Variants in PDE4D observed in about 807,000 individuals in gnomAD.
PDE4D encodes the protein 3',5'-cyclic-AMP phosphodiesterase 4D.
PDE4D carries 24 observed loss-of-function variants against 87.4 expected under a neutral mutation model. The observed-to-expected ratio is 0.27, with a 90% confidence interval of 0.20 to 0.39. The LOEUF is 0.39. Ranked by LOEUF, PDE4D falls within the 10% of genes least tolerant of loss-of-function variation. The pLI is 1.00. For missense variants in PDE4D, 714 were observed against 1,041.0 expected (o/e 0.69, Z 4.32); for synonymous variants, 384 against 383.2 (o/e 1.00, Z -0.02).
intron 1 of PDE4D, among the ~76,000 whole-genome samples, chr5:59,420,191 T>C (rs902164824): frequency 2.6e-5 from 4 of 152,202 alleles, no homozygotes; most frequent in African/African-American, 9.6e-5. Context: ...GTGTAAAATT[T>C]CTCAATAGCT....
chr5:59,198,196 T>C (rs879779884), intron 2 of PDE4D, among the ~76,000 whole-genome samples: 1 of 152,120 alleles, frequency 6.6e-6, no homozygotes, highest in Non-Finnish European at 1.5e-5. Context: ...TGATCTGTTT[T>C]AAGGAAAATA....
intron 1 of PDE4D, among the ~76,000 whole-genome samples, chr5:60,462,568 C>T (rs971654260): frequency 3.9e-5 from 6 of 152,172 alleles, no homozygotes; most frequent in Admixed American, 2.6e-4. Context: ...CCTATCCTCA[C>T]GGTGACCACA....
chr5:59,000,290 C>G (rs1370141710), intron 6 of PDE4D, among the ~76,000 whole-genome samples: 1 of 152,152 alleles, frequency 6.6e-6, no homozygotes, highest in African/African-American at 2.4e-5. Context: ...GCTTCCCTTC[C>G]TTCCAAATAA....
At chr5:59,108,024 G>T (rs574131688) in intron 5 of PDE4D, among the ~76,000 whole-genome samples, 1 of 152,212 alleles carries the variant, frequency 6.6e-6, no homozygotes, top group African/African-American at 2.4e-5. Context: ...CCATATTGGG[G>T]ACCATGGGTA....
In PDE4D at chr5:58,975,672, G is replaced by A. The variant is rs376393351; in HGVS notation, c.1998C>T (p.Ser666=). The part of the protein sequence containing the change: ...ISPMCDKHNA[S]VEKSQVGFID... ...CATGCATTACCTGTGATTTTTCCACGGAAGCATTGTGCTTGTCACACATGG... is the reference window on the plus strand; with the variant it reads ...CATGCATTACCTGTGATTTTTCCACAGAAGCATTGTGCTTGTCACACATGG... Residue 666 remains serine, a synonymous_variant, in exon 14 of 15, where the codon TCC becomes TCT. Coordinates refer to ENST00000340635, the MANE Select transcript of PDE4D (RefSeq NM_001104631.2). The surrounding 1 kb of genome is among the most constrained non-coding windows in gnomAD (Gnocchi z 4.2). 36 of 1,602,106 alleles carry A rather than the reference G, an allele frequency of 2.2e-5. No homozygotes were observed. The highest frequency in any genetic ancestry group is 2.8e-5 in the Non-Finnish European group (33 of 1,174,294).
intron 1 of PDE4D, among the ~76,000 whole-genome samples, chr5:60,441,220 G>A (rs1029849601): frequency 1.3e-5 from 2 of 152,060 alleles, no homozygotes; most frequent in East Asian, 1.9e-4. Flanking sequence ...AAAATAGCAC[G>A]GTACTGGCAC....
intron 3 of PDE4D, among the ~76,000 whole-genome samples, chr5:59,909,820 T>G (rs1426762686): frequency 6.6e-6 from 1 of 152,170 alleles, no homozygotes; most frequent in African/African-American, 2.4e-5. Flanking sequence ...GTAGAAAACC[T>G]TCAATGGTTC....
intron 1 of PDE4D, chr5:59,587,481 A>G (rs1185819804): frequency 1.0e-6 from 1 of 985,454 alleles, no homozygotes. Context: ...CAATGGCAAC[A>G]GGCTCCTGCT....
intron 1 of PDE4D, among the ~76,000 whole-genome samples, chr5:60,347,647 A>G (rs1486506778): frequency 6.6e-6 from 1 of 152,140 alleles, no homozygotes; most frequent in Non-Finnish European, 1.5e-5. Context: ...AGTAAAGGAC[A>G]TGCCCAGACA....
upstream of PDE4D, among the ~76,000 whole-genome samples, chr5:59,894,426 A>T (rs2152757546): frequency 6.6e-6 from 1 of 152,188 alleles, no homozygotes; most frequent in South Asian, 2.1e-4. Flanking sequence ...CAATAGTAAG[A>T]TTAATTCAGT....
At chr5:59,380,802 A>AT (rs5868179) in intron 1 of PDE4D, among the ~76,000 whole-genome samples, 75,145 of 151,260 alleles carry the variant, frequency 0.5, 19,213 homozygotes, top group East Asian at 0.67. Context: ...AGTTTACTTA[A>AT]TTTTTTTTTT....
chr5:60,115,585 T>C (rs1778100180), intron 2 of PDE4D, among the ~76,000 whole-genome samples: 1 of 152,140 alleles, frequency 6.6e-6, no homozygotes, highest in Non-Finnish European at 1.5e-5. Context: ...GTATTATCTC[T>C]ATTTTTCAGT....
intron 5 of PDE4D, among the ~76,000 whole-genome samples, chr5:59,112,153 C>T (rs1456536159): frequency 6.6e-6 from 1 of 151,918 alleles, no homozygotes. Flanking sequence ...TGGAATTGGC[C>T]CTAAGATACC....
chr5:59,808,107 G>A (rs144152371), intron 1 of PDE4D, among the ~76,000 whole-genome samples: 1 of 152,342 alleles, frequency 6.6e-6, no homozygotes, highest in African/African-American at 2.4e-5. Flanking sequence ...AAAAATGACA[G>A]ATTTCACTGG....
At chr5:59,587,485 T>C in intron 1 of PDE4D, 1 of 985,406 alleles carries the variant, frequency 1.0e-6, no homozygotes, top group Non-Finnish European at 1.2e-6. Flanking sequence ...GGCAACAGGC[T>C]CCTGCTGGAG....
chr5:59,333,413 C>G (rs1165859858), intron 1 of PDE4D, among the ~76,000 whole-genome samples: 1 of 152,146 alleles, frequency 6.6e-6, no homozygotes, highest in Non-Finnish European at 1.5e-5. Context: ...ACAACCTTCA[C>G]TTAAAGTTAT....
intron 1 of PDE4D, among the ~76,000 whole-genome samples, chr5:59,262,567 C>G (rs1581663487): frequency 6.6e-6 from 1 of 151,806 alleles, no homozygotes; most frequent in African/African-American, 2.4e-5. Flanking sequence ...CTAAGTTGTT[C>G]CCTGACTTTG....
intron 1 of PDE4D, among the ~76,000 whole-genome samples, chr5:60,487,433 G>T (rs1020668725): frequency 6.6e-6 from 1 of 152,048 alleles, no homozygotes; most frequent in African/African-American, 2.4e-5. Context: ...TCTTCAATTG[G>T]CTGCAGATTA....
chr5:60,097,891 A>C (rs1423471954), intron 2 of PDE4D, among the ~76,000 whole-genome samples: 1 of 152,006 alleles, frequency 6.6e-6, no homozygotes, highest in Non-Finnish European at 1.5e-5. Context: ...CCTGTAGGCT[A>C]ACGGGGATAA....
Sources: gnomAD v4.1 joint callset for allele counts (sites outside exome capture counted in the v4.1 genomes callset) on GRCh38, gnomAD v4.1.1 for gene constraint, Gnocchi (gnomAD v3.1) non-coding constraint, MANE v1.5 for transcripts, NCBI Gene and HGNC (gene_info 2026-07-23, HGNC 2026-07-21) for gene names.